SPATA45: variants seen among roughly 807,000 people sequenced by gnomAD.
SPATA45 encodes spermatogenesis associated 45, also known as spermatogenesis-associated protein 45.
Under a neutral mutation model 7.0 loss-of-function variants are expected in SPATA45, and 5 were observed. The observed-to-expected ratio is 0.71, with a 90% CI of 0.37 to 1.50. SPATA45 has a LOEUF of 1.50. Among genes scored for constraint, SPATA45 ranks in the 40% most tolerant of loss-of-function variants. The probability of loss-of-function intolerance (pLI) is 0.03; values close to 1 mark genes in which losing one functional copy is unlikely to be tolerated. For synonymous variants in SPATA45, 40 were observed against 38.7 expected, an observed-to-expected ratio of 1.03 and a Z score of -0.13; for missense variants, 111 against 114.9, an observed-to-expected ratio of 0.97 and a Z score of 0.16.
intron 1 of SPATA45, among the ~76,000 whole-genome samples, chr1:212,842,040 C>T (rs1216942941): frequency 5.9e-5 from 9 of 151,504 alleles, no homozygotes; most frequent in Admixed American, 3.3e-4. Flanking sequence ...GGATTACAGG[C>T]GTAAGTCATC....
chr1:212,844,429 A>G (rs1221377575), intron 1 of SPATA45, among the ~76,000 whole-genome samples: 1 of 152,102 alleles, frequency 6.6e-6, no homozygotes, highest in East Asian at 1.9e-4. Flanking sequence ...TATTCCTGAT[A>G]CAACACCTGA....
At chr1:212,835,838 A>G in intron 2 of SPATA45, 35 bp downstream of exon 2, 1 of 695,480 alleles carries the variant, frequency 1.4e-6, no homozygotes, top group Middle Eastern at 3.5e-4. Context: ...CTCCATCTCA[A>G]AAAAAAAAAA....
chr1:212,842,094 T>G (rs1663697982), intron 1 of SPATA45, among the ~76,000 whole-genome samples: 1 of 151,810 alleles, frequency 6.6e-6, no homozygotes, highest in Admixed American at 6.6e-5. Flanking sequence ...AAGTCCATTT[T>G]AGGCTGGGTG....
In SPATA45 at chr1:212,836,197, A is replaced by G. The variant is rs1192334704; in HGVS notation, c.-38-10T>C. ...AGTGATTCTTGCTGTCCTACAAACA[A>G]ATGAAAAAATACTTTCAATTGTCTT... is the stretch of plus-strand genomic sequence containing the variant. On this transcript the variant is annotated splice_polypyrimidine_tract_variant and intron_variant, in intron 1 of 2. Coordinates refer to ENST00000332912, the MANE Select transcript of SPATA45 (RefSeq NM_001024601.3). The G allele has an allele frequency of 6.7e-7, 1 of 1,492,912 alleles. No individual in the cohort carries two copies. Among genetic ancestry groups the G allele is most frequent in the Admixed American group, 2.0e-5 (1 of 50,398 alleles). The allele number at this position is 1,492,912 out of a possible 1,614,324, so 92.5% of individuals were successfully genotyped here.
Position 212,830,730 on chromosome 1 carries a change from C to G in SPATA45, c.278-469G>C, listed in dbSNP as rs375848640. Among the ~76,000 whole-genome samples the G allele has an allele frequency of 2.6e-4, 39 of 150,254 alleles. 1 individual carries two copies. The highest frequency in any genetic ancestry group is 4.4e-4 in the Non-Finnish European group (30 of 67,518). ...AGGCGCTGTGGCTCACGCCTGTAAT[C>G]CCAGCACTTTGAGAGACTGAGGTGG... On this transcript the variant is annotated intron_variant, in intron 2 of 2. Coordinates refer to ENST00000332912, the MANE Select transcript of SPATA45 (RefSeq NM_001024601.3).
intron 2 of SPATA45, among the ~76,000 whole-genome samples, chr1:212,835,389 C>T (rs1158996243): frequency 1.3e-5 from 2 of 151,028 alleles, no homozygotes; most frequent in South Asian, 2.1e-4. Flanking sequence ...AGTCAGACTT[C>T]GTGGTGCATG....
intron 1 of SPATA45, among the ~76,000 whole-genome samples, chr1:212,844,624 C>A (rs1275927193): frequency 6.6e-6 from 1 of 152,148 alleles, no homozygotes. Flanking sequence ...TACTGCTCTG[C>A]CCCCCTCCAC....
At chr1:212,839,261 A>AG (rs1663637867) in intron 1 of SPATA45, among the ~76,000 whole-genome samples, 1 of 149,942 alleles carries the variant, frequency 6.7e-6, no homozygotes, top group South Asian at 2.1e-4. Context: ...CTGAGTAAAA[A>AG]GAAAAAAAAA....
intron 1 of SPATA45, among the ~76,000 whole-genome samples, chr1:212,847,170 C>T (rs532298979): frequency 2.0e-5 from 3 of 152,150 alleles, no homozygotes; most frequent in African/African-American, 7.2e-5. Flanking sequence ...GGATTACAGG[C>T]GTGAGCAACT....
At chr1:212,841,376 C>T (rs984146750) in intron 1 of SPATA45, among the ~76,000 whole-genome samples, 5 of 152,074 alleles carry the variant, frequency 3.3e-5, no homozygotes, top group African/African-American at 1.2e-4. Flanking sequence ...GTTGCCCAGG[C>T]TGGGCTGAAA....
At chr1:212,834,833 T>C (rs1327059844) in intron 2 of SPATA45, among the ~76,000 whole-genome samples, 1 of 151,646 alleles carries the variant, frequency 6.6e-6, no homozygotes, top group Non-Finnish European at 1.5e-5. Context: ...ACATGAAATG[T>C]TTGTAAAGGC....
rs556593046 is a variant in SPATA45 at position 212,836,030 on chromosome 1, T to C, written c.120A>G (p.Gln40=). 5 of 1,611,428 alleles carry C rather than the reference T, an allele frequency of 3.1e-6. No homozygotes were observed. The Admixed American group carries it at 6.7e-5, about 22-fold the overall frequency. The change falls in exon 2 of 3, where the codon CAA becomes CAG. Residue 40 remains glutamine, a synonymous_variant. Coordinates refer to ENST00000332912, the MANE Select transcript of SPATA45 (RefSeq NM_001024601.3). ...TCTTTTGAACTCTCAGTAAGCTGAC[T>C]TGATTGCTTCGTTCCACCAAGCAGT... ...ESNCLVERSN[Q]VSLLRVQKRH... is the part of the protein sequence containing the mutation.
rs1422921588 is a variant in SPATA45 at position 212,832,046 on chromosome 1, T to C, written c.278-1785A>G. Reference sequence around the variant, plus strand: ...TTTTTTTTTTTTTTTGAGACGGAGTTTCGCTCTTGTTGCCCAGGCTGTAGT... The same window carrying C: ...TTTTTTTTTTTTTTTGAGACGGAGTCTCGCTCTTGTTGCCCAGGCTGTAGT... On this transcript the variant is annotated intron_variant, in intron 2 of 2. Coordinates refer to ENST00000332912, the MANE Select transcript of SPATA45 (RefSeq NM_001024601.3). Among the ~76,000 whole-genome samples the C allele has an allele frequency of 2.4e-4, 25 of 106,054 alleles. No homozygotes were observed. The East Asian group carries it at 6.7e-3, about 28-fold the overall frequency. The allele number at this position is 106,054 out of a possible 152,430, so 69.6% of individuals were successfully genotyped here.
chr1:212,831,598 C>G (rs1393631996), intron 2 of SPATA45, among the ~76,000 whole-genome samples: 1 of 151,410 alleles, frequency 6.6e-6, no homozygotes, highest in African/African-American at 2.4e-5. Context: ...TTGGGCTCCA[C>G]ATCTCCAAGT....
intron 2 of SPATA45, among the ~76,000 whole-genome samples, chr1:212,835,061 G>A (rs1447882818): frequency 6.6e-6 from 1 of 151,442 alleles, no homozygotes; most frequent in African/African-American, 2.4e-5. Flanking sequence ...GAGAGTCTCT[G>A]GTCTATAATA....
chr1:212,833,887 TGGCC>T (rs1663535487), intron 2 of SPATA45, among the ~76,000 whole-genome samples: 1 of 151,898 alleles, frequency 6.6e-6, no homozygotes. Context: ...GCCTGGCTTT[TGGCC>T]TATCTTGGCT....
intron 1 of SPATA45, among the ~76,000 whole-genome samples, chr1:212,837,852 G>A (rs777428330): frequency 6.6e-6 from 1 of 151,722 alleles, no homozygotes; most frequent in Non-Finnish European, 1.5e-5. Context: ...GTCTCAAGAA[G>A]CTCAAACAAT....
intron 1 of SPATA45, among the ~76,000 whole-genome samples, chr1:212,844,417 A>G (rs1663751272): frequency 6.6e-6 from 1 of 152,034 alleles, no homozygotes; most frequent in Non-Finnish European, 1.5e-5. Context: ...GGCCTCCCAC[A>G]TTATTCCTGA....
In SPATA45 at chr1:212,832,519, T is replaced by C. The variant is rs554332806; in HGVS notation, c.278-2258A>G. ...CCAGCACACCAAAACCTAAGCTTTT[T>C]GAGGCAAGATTTTATTCATCACTGT... On this transcript the variant is annotated intron_variant, in intron 2 of 2. Transcript: ENST00000332912. 6.3e-4 allele frequency among the ~76,000 whole-genome samples: 95 copies of C among 151,340 alleles called. 1 individual carries two copies. Among genetic ancestry groups the C allele is most frequent in the Non-Finnish European group, 1.2e-4 (8 of 67,620 alleles).
Sources: gnomAD v4.1 joint callset for allele counts (sites outside exome capture counted in the v4.1 genomes callset) on GRCh38, gnomAD v4.1.1 for gene constraint, MANE v1.5 for transcripts, NCBI Gene and HGNC (gene_info 2026-07-23, HGNC 2026-07-21) for gene names.